Variants in GMPS observed in about 807,000 individuals in gnomAD.
GMPS encodes GMP synthase [glutamine-hydrolyzing].
GMPS carries 15 observed loss-of-function variants against 77.9 expected under a neutral mutation model. That is an observed-to-expected ratio of 0.19 (90% CI 0.13 to 0.30). GMPS has a LOEUF of 0.30. Ranked by LOEUF, GMPS falls within the 10% of genes least tolerant of loss-of-function variation. GMPS has a pLI of 1.00. For missense variants in GMPS, 590 were observed against 838.8 expected (o/e 0.70, Z 3.66); for synonymous variants, 224 against 275.9 (o/e 0.81, Z 1.86).
intron 1 of GMPS, among the ~76,000 whole-genome samples, chr3:155,885,301 G>A (rs1236232467): frequency 1.3e-5 from 2 of 152,172 alleles, no homozygotes; most frequent in Non-Finnish European, 2.9e-5. Context: ...CCTATCTGTT[G>A]TGTACTCAGA....
At chr3:155,879,082 C>G (rs551508383) in intron 1 of GMPS, among the ~76,000 whole-genome samples, 42 of 152,206 alleles carry the variant, frequency 2.8e-4, no homozygotes, top group African/African-American at 9.6e-4. Flanking sequence ...TGCCTGCTCA[C>G]ATTGGATGAG....
chr3:155,910,922 A>G (rs1405239239), intron 6 of GMPS, 37 bp downstream of exon 6: 9 of 1,378,154 alleles, frequency 6.5e-6, no homozygotes, highest in Non-Finnish European at 8.0e-6. Context: ...ACAAATTTAT[A>G]TCAATAATAT....
chr3:155,924,394 A>G (rs1019538383), intron 11 of GMPS, among the ~76,000 whole-genome samples: 4 of 152,374 alleles, frequency 2.6e-5, no homozygotes, highest in Admixed American at 6.5e-5. Flanking sequence ...ATGTGTAACA[A>G]TGTTTAGCTG....
intron 11 of GMPS, 68 bp downstream of exon 11, chr3:155,922,370 A>G (rs1324394544): frequency 3.2e-6 from 2 of 619,050 alleles, no homozygotes; most frequent in Non-Finnish European, 5.4e-6. Flanking sequence ...AGCATTTATA[A>G]TGAATTTTTT....
chr3:155,936,044 C>T (rs377333977), intron 14 of GMPS, among the ~76,000 whole-genome samples: 2 of 152,258 alleles, frequency 1.3e-5, no homozygotes, highest in East Asian at 3.9e-4. Flanking sequence ...TCGTTGTTTG[C>T]AGTGTAGAAT....
chr3:155,879,192 G>T, intron 1 of GMPS, among the ~76,000 whole-genome samples: 1 of 151,054 alleles, frequency 6.6e-6, no homozygotes, highest in East Asian at 1.9e-4. Context: ...AGCTATCTGG[G>T]TATTATTAGT....
At chr3:155,910,996 TC>T in intron 6 of GMPS, 111 bp downstream of exon 6, 1 of 1,090,554 alleles carries the variant, frequency 9.2e-7, no homozygotes, top group Non-Finnish European at 1.3e-6. Context: ...AGAGTGCTTT[TC>T]CAGTTACCAT....
intron 1 of GMPS, among the ~76,000 whole-genome samples, chr3:155,877,819 A>G: frequency 7.3e-6 from 1 of 137,552 alleles, no homozygotes; most frequent in South Asian, 2.3e-4. Flanking sequence ...TTTTTTTGAG[A>G]CAGAGTCTCG....
Position 155,934,973 on chromosome 3 carries a change from T to C in GMPS, c.1734T>C (p.Thr578=), listed in dbSNP as rs1425264760. ...AACCTCCTACAGATGTTACTCCCAC[T>C]TTCTTGACAACAGGGGTGCTCAGTA... ...VKEPPTDVTP[T]FLTTGVLSTL... Residue 578 remains threonine, a synonymous_variant, in exon 14 of 16, where the codon ACT becomes ACC. Coordinates refer to ENST00000496455, the MANE Select transcript of GMPS (RefSeq NM_003875.3). 3.8e-6 allele frequency: 6 copies of C among 1,588,868 alleles called. No individual in the cohort carries two copies. In the African/African-American group the frequency reaches 6.7e-5, roughly 18 times the overall value.
chr3:155,871,463 C>A (rs1311008475), intron 1 of GMPS, among the ~76,000 whole-genome samples: 2 of 152,210 alleles, frequency 1.3e-5, no homozygotes, highest in Non-Finnish European at 2.9e-5. Flanking sequence ...CCTTGGGCTC[C>A]GCGGCGGTTA....
rs2108124158 is a variant in GMPS at position 155,922,203 on chromosome 3, C to T, written c.1335C>T (p.Ile445=). Residue 445 remains isoleucine, a synonymous_variant, in exon 11 of 16, where the codon ATC becomes ATT. Transcript: ENST00000496455. ...RHPFPGPGLA[I]RVICAEEPYI... ...TACCTTTAGGTCCTGGCCTGGCAAT[C>T]AGAGTAATATGTGCTGAAGAACCTT... 6.6e-7 allele frequency: 1 copy of T among 1,511,960 alleles called. No homozygotes were observed. Among genetic ancestry groups the T allele is most frequent in the Non-Finnish European group, 8.9e-7 (1 of 1,117,356 alleles). The allele number at this position is 1,511,960 out of a possible 1,614,324, so 93.7% of individuals were successfully genotyped here. A position where few individuals can be genotyped will look rare whatever the true frequency, so the allele number is the denominator to read the frequency against.
At chr3:155,926,460 G>C (rs1755456827) in intron 12 of GMPS, among the ~76,000 whole-genome samples, 1 of 152,046 alleles carries the variant, frequency 6.6e-6, no homozygotes, top group Non-Finnish European at 1.5e-5. Flanking sequence ...TGGTATAAGT[G>C]CCAGTTATTG....
At chr3:155,896,336 G>A (rs187822564) in intron 2 of GMPS, among the ~76,000 whole-genome samples, 292 of 151,834 alleles carry the variant, frequency 1.9e-3, no homozygotes, top group Non-Finnish European at 3.3e-3. Flanking sequence ...AAGGAGTTAG[G>A]TTATAGATCT....
chr3:155,933,805 G>T (rs1755691784), intron 13 of GMPS, among the ~76,000 whole-genome samples: 1 of 152,288 alleles, frequency 6.6e-6, no homozygotes, highest in African/African-American at 2.4e-5. Flanking sequence ...CTTGTTTTCT[G>T]GGTGAAGATT....
chr3:155,888,804 C>T (rs1450698572), intron 1 of GMPS, among the ~76,000 whole-genome samples: 6 of 151,984 alleles, frequency 3.9e-5, no homozygotes, highest in Admixed American at 2.0e-4. Context: ...AGGCTGGTCT[C>T]GAACTCCTGA....
intron 3 of GMPS, 44 bp downstream of exon 3, chr3:155,898,085 C>G (rs1395935340): frequency 2.2e-6 from 2 of 927,744 alleles, no homozygotes. Context: ...ATATTTTATT[C>G]TGTTTGTGAG....
intron 12 of GMPS, among the ~76,000 whole-genome samples, chr3:155,929,952 C>G (rs1207229543): frequency 6.8e-6 from 1 of 146,416 alleles, no homozygotes; most frequent in African/African-American, 2.5e-5. Flanking sequence ...AGGTAATTTA[C>G]AGATTCAGTG....
chr3:155,915,972 A>C (rs776986070), intron 8 of GMPS, 47 bp from the exon 9 acceptor site: 1 of 1,383,828 alleles, frequency 7.2e-7, no homozygotes, highest in Non-Finnish European at 1.0e-6. Flanking sequence ...TTTTGCTTTT[A>C]AAAAAAGTTA....
chr3:155,870,317 G>C (rs559065848), upstream of GMPS, among the ~76,000 whole-genome samples: 12 of 152,246 alleles, frequency 7.9e-5, no homozygotes, highest in Non-Finnish European at 1.3e-4. Context: ...AGGCAAATCC[G>C]GCAGCAGCAA....
Sources: allele counts gnomAD v4.1 joint callset (sites outside exome capture counted in the v4.1 genomes callset), GRCh38; gene constraint gnomAD v4.1.1; transcripts MANE v1.5; gene names NCBI Gene and HGNC (gene_info 2026-07-23, HGNC 2026-07-21).